CSMD1: variants seen among roughly 807,000 people sequenced by gnomAD.
CSMD1 encodes the protein CUB and sushi domain-containing protein 1.
A neutral mutation model predicts 417.5 loss-of-function variants in CSMD1; 213 were observed. The observed-to-expected ratio is 0.51, with a 90% CI of 0.46 to 0.57. The LOEUF (loss-of-function observed/expected upper bound fraction) is 0.57, where lower values mean the gene tolerates loss of function less well. Among genes scored for constraint, CSMD1 ranks in the 20% least tolerant of loss-of-function variants. CSMD1 has a pLI of 0.00. For synonymous variants in CSMD1, 2,862 were observed against 1,736.8 expected (o/e 1.65, Z -16.11); for missense variants, 6,923 against 4,529.7 (o/e 1.53, Z -15.17).
At chr8:3,745,654 G>A (rs751079255) in intron 6 of CSMD1, among the ~76,000 whole-genome samples, 41 of 152,258 alleles carry the variant, frequency 2.7e-4, no homozygotes, top group Middle Eastern at 3.4e-3. Context: ...CTTTTCACAA[G>A]GGGCATGAAT....
intron 3 of CSMD1, among the ~76,000 whole-genome samples, chr8:4,101,466 A>G (rs1801301791): frequency 6.6e-6 from 1 of 152,200 alleles, no homozygotes; most frequent in Admixed American, 6.5e-5. Context: ...TGTCAAAACA[A>G]AAGGTCTCCA....
At chr8:3,887,255 C>A (rs1806629198) in intron 5 of CSMD1, among the ~76,000 whole-genome samples, 1 of 152,176 alleles carries the variant, frequency 6.6e-6, no homozygotes, top group Non-Finnish European at 1.5e-5. Context: ...TGTTCTTGCA[C>A]AGCAGTGGTG....
At chr8:3,776,693 C>A (rs1034560198) in intron 5 of CSMD1, among the ~76,000 whole-genome samples, 1 of 151,962 alleles carries the variant, frequency 6.6e-6, no homozygotes, top group African/African-American at 2.4e-5. Context: ...TGATTTCATA[C>A]AGATGGCTAC....
chr8:4,454,568 C>A (rs1799355607), intron 2 of CSMD1, among the ~76,000 whole-genome samples: 1 of 152,136 alleles, frequency 6.6e-6, no homozygotes, highest in African/African-American at 2.4e-5. Flanking sequence ...ACAGAGTAGA[C>A]CCAATGCAGC....
intron 18 of CSMD1, among the ~76,000 whole-genome samples, chr8:3,376,132 G>A (rs1426611369): frequency 6.6e-6 from 1 of 151,950 alleles, no homozygotes; most frequent in Non-Finnish European, 1.5e-5. Flanking sequence ...AATACAGCAG[G>A]TTCTCAATAA....
At chr8:3,175,825 C>T (rs1291372419) in intron 37 of CSMD1, among the ~76,000 whole-genome samples, 3 of 152,134 alleles carry the variant, frequency 2.0e-5, no homozygotes, top group Admixed American at 6.6e-5. Context: ...TTGTTAACTT[C>T]ACTGGGTTTC....
intron 21 of CSMD1, among the ~76,000 whole-genome samples, chr8:3,349,882 T>C (rs1400739727): frequency 7.0e-4 from 10 of 14,352 alleles, no homozygotes; most frequent in Admixed American, 1.9e-3. Flanking sequence ...TTTATATCTA[T>C]ATATATATTT....
chr8:3,854,809 TATA>T (rs1383667929), intron 5 of CSMD1, among the ~76,000 whole-genome samples: 2 of 152,136 alleles, frequency 1.3e-5, no homozygotes, highest in African/African-American at 4.8e-5. Context: ...AGCTGTTGAT[TATA>T]ATATTACTAA....
chr8:3,611,921 T>C (rs776149645), intron 8 of CSMD1, among the ~76,000 whole-genome samples: 25 of 152,240 alleles, frequency 1.6e-4, no homozygotes, highest in Admixed American at 1.3e-4. Flanking sequence ...CATATCCAAA[T>C]TGCATCTAAA....
chr8:3,632,793 C>T (rs1357590054), intron 7 of CSMD1, among the ~76,000 whole-genome samples: 1 of 152,174 alleles, frequency 6.6e-6, no homozygotes, highest in African/African-American at 2.4e-5. Flanking sequence ...CATTTGCTTT[C>T]CTGTTTCAGG....
At chr8:3,058,859 A>G (rs2128992621) in intron 49 of CSMD1, among the ~76,000 whole-genome samples, 1 of 151,984 alleles carries the variant, frequency 6.6e-6, no homozygotes, top group Non-Finnish European at 1.5e-5. Flanking sequence ...ATCCACACAA[A>G]TGCCTCAAGT....
At chr8:3,126,640 A>AT (rs1817528440) in intron 41 of CSMD1, among the ~76,000 whole-genome samples, 1 of 152,206 alleles carries the variant, frequency 6.6e-6, no homozygotes, top group Non-Finnish European at 1.5e-5. Context: ...AACTTCTGGG[A>AT]TAGCATATCA....
chr8:2,978,470 T>A lies in CSMD1; in HGVS notation c.8566+142A>T, dbSNP rs1805121196. ...GATTTCTGGCCACTCGATCTACAGC[T>A]ATCATAAAAACTCCTACAATTGGTG... On this transcript the variant is annotated intron_variant, in intron 55 of 69. Coordinates refer to ENST00000635120, the MANE Select transcript of CSMD1 (RefSeq NM_033225.6). The A allele has an allele frequency of 2.6e-5, 17 of 660,458 alleles. No homozygotes were observed. In the South Asian group the frequency reaches 3.6e-4, roughly 14 times the overall value. 40.9% of individuals were successfully genotyped at this position (660,458 alleles called of 1,614,324 possible).
chr8:4,670,586 G>T (rs1207178878), intron 1 of CSMD1, among the ~76,000 whole-genome samples: 2 of 152,220 alleles, frequency 1.3e-5, no homozygotes, highest in African/African-American at 2.4e-5. Flanking sequence ...GCACATCTTT[G>T]CTATAGGCAG....
chr8:4,520,133 G>T (rs1283592181), intron 2 of CSMD1, among the ~76,000 whole-genome samples: 5 of 152,128 alleles, frequency 3.3e-5, no homozygotes, highest in Non-Finnish European at 7.3e-5. Context: ...TCATCTGAAA[G>T]AGCAAAGTGG....
At chr8:4,114,369 T>A (rs2130920282) in intron 3 of CSMD1, among the ~76,000 whole-genome samples, 1 of 152,320 alleles carries the variant, frequency 6.6e-6, no homozygotes, top group South Asian at 2.1e-4. Context: ...AGCCTACTGT[T>A]GAGACCTACT....
At chr8:3,935,707 C>G (rs1810448408) in intron 5 of CSMD1, among the ~76,000 whole-genome samples, 1 of 152,122 alleles carries the variant, frequency 6.6e-6, no homozygotes. Context: ...CCTGGTCACT[C>G]CCACATCTCT....
chr8:3,502,266 G>C (rs1317558415), intron 10 of CSMD1, among the ~76,000 whole-genome samples: 1 of 151,502 alleles, frequency 6.6e-6, no homozygotes, highest in Non-Finnish European at 1.5e-5. Context: ...TCGGGAGGCT[G>C]AGGCAGGAGA....
intron 1 of CSMD1, among the ~76,000 whole-genome samples, chr8:4,642,505 A>G (rs556356446): frequency 6.6e-6 from 1 of 152,246 alleles, no homozygotes; most frequent in East Asian, 1.9e-4. Context: ...TGTGATCCAA[A>G]CTGATTCACT....
Sources: gnomAD v4.1 joint callset for allele counts (sites outside exome capture counted in the v4.1 genomes callset) on GRCh38, gnomAD v4.1.1 for gene constraint, MANE v1.5 for transcripts, NCBI Gene and HGNC (gene_info 2026-07-23, HGNC 2026-07-21) for gene names.